Variants in PCSK2 observed in about 807,000 individuals in gnomAD.
PCSK2 encodes neuroendocrine convertase 2.
PCSK2 carries 14 observed loss-of-function variants against 69.7 expected under a neutral mutation model. The observed-to-expected ratio is 0.20, with a 90% confidence interval of 0.13 to 0.31. PCSK2 has a LOEUF of 0.31. Ranked by LOEUF, PCSK2 falls within the 10% of genes least tolerant of loss-of-function variation. The probability of loss-of-function intolerance (pLI) is 1.00; values close to 1 mark genes in which losing one functional copy is unlikely to be tolerated. For missense variants in PCSK2, 544 were observed against 842.5 expected (o/e 0.65, Z 4.39); for synonymous variants, 307 against 320.7 (o/e 0.96, Z 0.46).
chr20:17,270,801 G>T (rs1306759486), intron 2 of PCSK2, among the ~76,000 whole-genome samples: 2 of 152,078 alleles, frequency 1.3e-5, no homozygotes, highest in Admixed American at 6.6e-5. Flanking sequence ...TTGTCTATTA[G>T]GGAGAAAAGG....
intron 6 of PCSK2, among the ~76,000 whole-genome samples, chr20:17,420,251 T>C (rs2032092228): frequency 6.6e-6 from 1 of 152,236 alleles, no homozygotes; most frequent in South Asian, 2.1e-4. Flanking sequence ...AGCTGATACC[T>C]TACCCTGGTG....
intron 2 of PCSK2, among the ~76,000 whole-genome samples, chr20:17,280,217 AT>A (rs1221588999): frequency 2.6e-5 from 4 of 152,214 alleles, no homozygotes; most frequent in Admixed American, 1.3e-4. Context: ...ATTTAGTAGT[AT>A]ATCTTAGAGA....
chr20:17,311,224 C>A (rs1369115641), intron 2 of PCSK2, among the ~76,000 whole-genome samples: 3 of 152,014 alleles, frequency 2.0e-5, no homozygotes, highest in African/African-American at 7.3e-5. Flanking sequence ...AGTTTCTATT[C>A]TGCATTGTAG....
At chr20:17,426,278 T>G (rs1600570545) in intron 6 of PCSK2, among the ~76,000 whole-genome samples, 1 of 152,172 alleles carries the variant, frequency 6.6e-6, no homozygotes, top group East Asian at 1.9e-4. Context: ...ATTTACTCCT[T>G]CCTGCCACCC....
intron 1 of PCSK2, among the ~76,000 whole-genome samples, chr20:17,253,494 C>T (rs1273447116): frequency 6.6e-6 from 1 of 152,172 alleles, no homozygotes; most frequent in Non-Finnish European, 1.5e-5. Flanking sequence ...TTTAACTTAG[C>T]ATTAAGTTTT....
intron 7 of PCSK2, among the ~76,000 whole-genome samples, chr20:17,434,758 C>A (rs745943812): frequency 1.2e-4 from 18 of 152,148 alleles, no homozygotes; most frequent in Admixed American, 2.6e-4. Flanking sequence ...GTGGGCCATT[C>A]AGTCCTGGTC....
chr20:17,353,795 C>A (rs549187483), intron 2 of PCSK2, among the ~76,000 whole-genome samples: 1 of 152,210 alleles, frequency 6.6e-6, no homozygotes, highest in South Asian at 2.1e-4. Flanking sequence ...ACCTCATATA[C>A]ACCATGGAAT....
chr20:17,289,613 G>A (rs937200603), intron 2 of PCSK2, among the ~76,000 whole-genome samples: 4 of 152,026 alleles, frequency 2.6e-5, no homozygotes, highest in Non-Finnish European at 5.9e-5. Flanking sequence ...ATATATTTTA[G>A]AGAGTATCAC....
intron 5 of PCSK2, among the ~76,000 whole-genome samples, chr20:17,394,486 G>C (rs2031464090): frequency 6.6e-6 from 1 of 152,134 alleles, no homozygotes; most frequent in Non-Finnish European, 1.5e-5. Flanking sequence ...GAAAAGTGAG[G>C]GACATCTATT....
chr20:17,426,021 G>C (rs1326390046), intron 6 of PCSK2, among the ~76,000 whole-genome samples: 1 of 152,120 alleles, frequency 6.6e-6, no homozygotes, highest in African/African-American at 2.4e-5. Context: ...CAAAAACCAT[G>C]TTACAGAGTG....
intron 2 of PCSK2, among the ~76,000 whole-genome samples, chr20:17,302,525 G>T (rs891436422): frequency 6.6e-6 from 1 of 152,092 alleles, no homozygotes; most frequent in African/African-American, 2.4e-5. Context: ...CACTTTTGGA[G>T]CCCTTTATGT....
chr20:17,434,553 C>T (rs1406757119), intron 7 of PCSK2, among the ~76,000 whole-genome samples: 2 of 152,148 alleles, frequency 1.3e-5, no homozygotes, highest in East Asian at 1.9e-4. Context: ...GATTAATACA[C>T]ATCCACTCTG....
intron 2 of PCSK2, among the ~76,000 whole-genome samples, chr20:17,288,893 C>T (rs1218554929): frequency 1.3e-5 from 2 of 152,198 alleles, no homozygotes; most frequent in Non-Finnish European, 2.9e-5. Context: ...TGGCTTCAAT[C>T]TAAATCAACT....
At chr20:17,446,414 T>C (rs887758824) in intron 8 of PCSK2, among the ~76,000 whole-genome samples, 2 of 152,116 alleles carry the variant, frequency 1.3e-5, no homozygotes, top group Admixed American at 1.3e-4. Context: ...CAGTGAAAGT[T>C]CCAAACTACA....
chr20:17,304,165 A>G (rs1435167218), intron 2 of PCSK2, among the ~76,000 whole-genome samples: 1 of 152,032 alleles, frequency 6.6e-6, no homozygotes, highest in Non-Finnish European at 1.5e-5. Context: ...AATTAATGAT[A>G]CTTGGTAAGG....
At position 17,310,774 on chromosome 20, in the gene PCSK2, G is replaced by T. The variant is rs549487624; in HGVS notation, c.283-47553G>T. On this transcript the variant is annotated intron_variant, in intron 2 of 11. Transcript: ENST00000262545. ...TGGGAGGCCGAGGCAGGTGGATCAC[G>T]AGGTCGGGAGTTCAAGACCAGTCTG... Among the ~76,000 whole-genome samples the T allele has an allele frequency of 6.6e-5, 10 of 151,444 alleles. 1 individual carries two copies. The South Asian group carries it at 1.9e-3, about 29-fold the overall frequency.
At chr20:17,243,646 A>G (rs1986666351) in intron 1 of PCSK2, among the ~76,000 whole-genome samples, 6 of 152,316 alleles carry the variant, frequency 3.9e-5, no homozygotes, top group Admixed American at 2.6e-4. Context: ...GTAAGTCACT[A>G]TTACGTAGGT....
chr20:17,435,540 A>AT (rs1039482428), intron 7 of PCSK2, among the ~76,000 whole-genome samples: 87 of 152,128 alleles, frequency 5.7e-4, no homozygotes, highest in African/African-American at 2.1e-3. Flanking sequence ...TTTTAATTCG[A>AT]TTGACGTGCT....
chr20:17,484,531 CAT>C lies in PCSK2; in HGVS notation c.*2462_*2463del, dbSNP rs1414477189. On this transcript the variant is annotated 3_prime_UTR_variant, in exon 12 of 12. Transcript: ENST00000262545. ...AATTTTATAAGCAAATTTCAAAAGACATGTTGTAAATTAGGAGGCTCAACAAT... is the reference window on the plus strand; with the variant it reads ...AATTTTATAAGCAAATTTCAAAAGACGTTGTAAATTAGGAGGCTCAACAAT... 2.0e-5 allele frequency: 3 copies of C among 152,350 alleles called. No homozygotes were observed. The highest frequency in any genetic ancestry group is 4.4e-5 in the Non-Finnish European group (3 of 67,982). 9.4% of individuals were successfully genotyped at this position (152,350 alleles called of 1,614,324 possible).
Sources: allele counts gnomAD v4.1 joint callset (sites outside exome capture counted in the v4.1 genomes callset), GRCh38; gene constraint gnomAD v4.1.1; transcripts MANE v1.5; gene names NCBI Gene and HGNC (gene_info 2026-07-23, HGNC 2026-07-21).